TTC38: variants seen among roughly 807,000 people sequenced by gnomAD.
TTC38 encodes the protein tetratricopeptide repeat protein 38.
In TTC38, 64 loss-of-function variants were observed where a neutral mutation model predicts 64.2. That is an observed-to-expected ratio of 1.00 (90% CI 0.81 to 1.23). TTC38 has a LOEUF of 1.23. Ranked by LOEUF, TTC38 falls within the 50% of genes most tolerant of loss-of-function variation. TTC38 has a pLI of 0.00. For missense variants in TTC38, 573 were observed against 615.5 expected, an observed-to-expected ratio of 0.93 and a Z score of 0.73; for synonymous variants, 254 against 249.3, an observed-to-expected ratio of 1.02 and a Z score of -0.18.
intron 2 of TTC38, chr22:46,269,095 C>A (rs943836594): frequency 1.0e-4 from 44 of 422,242 alleles, no homozygotes; most frequent in Admixed American, 2.1e-4. Flanking sequence ...TCTGCCCCCC[C>A]CCCACAGCGT....
In TTC38 at chr22:46,271,680, T is replaced by TTTGTATTATTTG. The variant is rs144316853; in HGVS notation, c.112-653_112-642dup. On this transcript the variant is annotated intron_variant, in intron 2 of 13. Coordinates refer to ENST00000381031, the MANE Select transcript of TTC38 (RefSeq NM_017931.4). The surrounding 1 kb of genome is among the most constrained non-coding windows in gnomAD (Gnocchi z 5.5). The stretch of plus-strand genomic sequence containing the variant: ...CATGTGCCACCACGCCTGACTAATT[T>TTTGTATTATTTG]TTGTATTATTTGTAGAGACAGAGTT... Among the ~76,000 whole-genome samples, 4,206 of 152,252 alleles carry TTTGTATTATTTG rather than the reference T, an allele frequency of 0.028. 182 individuals are homozygous for TTTGTATTATTTG. Among genetic ancestry groups the TTTGTATTATTTG allele is most frequent in the African/African-American group, 0.096 (3,989 of 41,514 alleles).
Position 46,282,053 on chromosome 22 carries a change from C to T in TTC38, c.735+335C>T. The T allele has an allele frequency of 2.1e-6, 1 of 481,330 alleles. No individual in the cohort carries two copies. Among genetic ancestry groups the T allele is most frequent in the Non-Finnish European group, 4.2e-6 (1 of 238,586 alleles). 29.8% of individuals were successfully genotyped at this position (481,330 alleles called of 1,614,324 possible). A position where few individuals can be genotyped will look rare whatever the true frequency, so the allele number is the denominator to read the frequency against. ...GGACCCTCTGTGGGATGTGGAAACG[C>T]AGAGGAAGCATTAAACTCAACTGGG... On this transcript the variant is annotated intron_variant, in intron 7 of 13. Transcript: ENST00000381031. This position sits in a 1 kb window ranked among gnomAD's most constrained non-coding sequence, Gnocchi z 4.4.
rs1160636491 is a variant in TTC38, at chr22:46,273,645, T to C, written c.194-253T>C. Among the ~76,000 whole-genome samples the C allele has an allele frequency of 6.6e-6, 1 of 152,234 alleles. No homozygotes were observed. The highest frequency in any genetic ancestry group is 2.4e-5 in the African/African-American group (1 of 41,462). On this transcript the variant is annotated intron_variant, in intron 3 of 13. Transcript: ENST00000381031. The surrounding 1 kb of genome is among the most constrained non-coding windows in gnomAD (Gnocchi z 5.1). Reference sequence around the variant, plus strand: ...CATCCATTGAAGGGGGAAGGTGCTTTAGACACTGGCACTCAGCAGAATGCC... The same window carrying C: ...CATCCATTGAAGGGGGAAGGTGCTTCAGACACTGGCACTCAGCAGAATGCC...
In TTC38 at chr22:46,291,576, C is replaced by G. The variant is rs1281336066; in HGVS notation, c.1317-1215C>G. Among the ~76,000 whole-genome samples, 1 of 152,188 alleles carries G rather than the reference C, an allele frequency of 6.6e-6. No individual in the cohort carries two copies. Among genetic ancestry groups the G allele is most frequent in the Non-Finnish European group, 1.5e-5 (1 of 68,036 alleles). ...CCCACAATGAGTTCCCGGCCCCAGC[C>G]CCTTCACACCACCCACGCCCTCTAG... On this transcript the variant is annotated intron_variant, in intron 13 of 13. Coordinates refer to ENST00000381031, the MANE Select transcript of TTC38 (RefSeq NM_017931.4). This position sits in a 1 kb window ranked among gnomAD's most constrained non-coding sequence, Gnocchi z 4.6.
chr22:46,280,257 C>T (rs925338928), intron 6 of TTC38: 1 of 464,468 alleles, frequency 2.2e-6, no homozygotes, highest in Non-Finnish European at 4.5e-6. Context: ...AGCTTGGGGA[C>T]CTGGAGCTCC....
At chr22:46,289,047 A>G (rs1302112290) in intron 11 of TTC38, among the ~76,000 whole-genome samples, 1 of 152,194 alleles carries the variant, frequency 6.6e-6, no homozygotes, top group Non-Finnish European at 1.5e-5. Context: ...TGCCCTGCCC[A>G]TTCCCTTCCG....
chr22:46,287,092 C>T lies in TTC38; in HGVS notation c.854C>T (p.Ala285Val). 2 of 1,603,438 alleles carry T rather than the reference C, an allele frequency of 1.2e-6. No homozygotes were observed. The highest frequency in any genetic ancestry group is 1.1e-5 in the South Asian group (1 of 90,460). ...YDTHILPSLQANDAMLDVVDS... is the reference protein window; with the variant it reads ...YDTHILPSLQVNDAMLDVVDS... ...TTCCAGATCCTTCCCAGCCTGCAGG[C>T]CAACGATGCAATGCTGGACGTGGTG... The change falls in exon 10 of 14, where the codon GCC becomes GTC. Residue 285 changes from alanine (A) to valine (V), a missense_variant. Physicochemically the swap from Ala to Val is moderately conservative, Grantham distance 64. Around this residue, in one of 3 missense-constraint regions of TTC38, gnomAD observed 371 missense variants for 381.8 expected, o/e 0.97. Coordinates refer to ENST00000381031, the MANE Select transcript of TTC38 (RefSeq NM_017931.4).
In TTC38 at chr22:46,292,756, G is replaced by A; in HGVS notation, c.1317-35G>A. 1 of 1,589,086 alleles carries A rather than the reference G, an allele frequency of 6.3e-7. No individual in the cohort carries two copies. On this transcript the variant is annotated intron_variant, in intron 13 of 13. Coordinates refer to ENST00000381031, the MANE Select transcript of TTC38 (RefSeq NM_017931.4). The surrounding 1 kb of genome is among the most constrained non-coding windows in gnomAD (Gnocchi z 6.5). ...ACCAGGCCCCACATCCCTCTAGAAG[G>A]TTCTGTAACAGGACCTCTGTGTCTG... is the stretch of plus-strand genomic sequence containing the variant.
In TTC38 at chr22:46,268,167, G is replaced by A. The variant is rs1601860983; in HGVS notation, c.33+95G>A. 2.2e-6 allele frequency: 3 copies of A among 1,391,866 alleles called. No homozygotes were observed. The East Asian group carries it at 7.9e-5, about 37-fold the overall frequency. 86.2% of individuals were successfully genotyped at this position (1,391,866 alleles called of 1,614,324 possible). On this transcript the variant is annotated intron_variant, in intron 1 of 13. Coordinates refer to ENST00000381031, the MANE Select transcript of TTC38 (RefSeq NM_017931.4). Reference sequence around the variant, plus strand: ...GAATAACGGGAGACATGGCCCGGGCGCGGGGCGTGGGGTGAGCCCTGGGCG... The same window carrying A: ...GAATAACGGGAGACATGGCCCGGGCACGGGGCGTGGGGTGAGCCCTGGGCG...
At chr22:46,277,678 C>A (rs1490533725) in intron 5 of TTC38, among the ~76,000 whole-genome samples, 2 of 151,694 alleles carry the variant, frequency 1.3e-5, no homozygotes, top group African/African-American at 4.8e-5. Flanking sequence ...TCTAGCCCAT[C>A]CTGGGCTGGG....
At chr22:46,285,186 C>G (rs1305750445) in intron 8 of TTC38, 55 bp from the exon 9 acceptor site, 60 of 1,545,194 alleles carry the variant, frequency 3.9e-5, no homozygotes, top group Non-Finnish European at 6.3e-6. Flanking sequence ...GTTCACGTGC[C>G]AGCATTACAC....
In TTC38 at chr22:46,273,214, G is replaced by A. The variant is rs554241980; in HGVS notation, c.194-684G>A. On this transcript the variant is annotated intron_variant, in intron 3 of 13. Coordinates refer to ENST00000381031, the MANE Select transcript of TTC38 (RefSeq NM_017931.4). The surrounding 1 kb of genome is among the most constrained non-coding windows in gnomAD (Gnocchi z 5.1). ...CCTTGAGCCCTGATCAGGGGGCTTCGACCACCTGAATCATCAGCTGGGCTG... is the reference window on the plus strand; with the variant it reads ...CCTTGAGCCCTGATCAGGGGGCTTCAACCACCTGAATCATCAGCTGGGCTG... Among the ~76,000 whole-genome samples the A allele has an allele frequency of 5.8e-4, 88 of 152,288 alleles. No homozygotes were observed. The highest frequency in any genetic ancestry group is 2.0e-3 in the African/African-American group (84 of 41,564).
rs993798125 is a variant in TTC38, at chr22:46,275,596, T to A, written c.539+175T>A. On this transcript the variant is annotated intron_variant, in intron 5 of 13. Transcript: ENST00000381031. The surrounding 1 kb of genome is among the most constrained non-coding windows in gnomAD (Gnocchi z 4.5). ...CTTCACTTGATTTTCATCCCACCTG[T>A]GAATGAGGTAGTACCATTATGTATC... is the stretch of plus-strand genomic sequence containing the variant. 3.0e-4 allele frequency among the ~76,000 whole-genome samples: 45 copies of A among 152,230 alleles called. No individual in the cohort carries two copies. Among genetic ancestry groups the A allele is most frequent in the African/African-American group, 1.1e-3 (45 of 41,458 alleles).
At position 46,273,823 on chromosome 22, in the gene TTC38, G is replaced by A. The variant is rs1251110080; in HGVS notation, c.194-75G>A. On this transcript the variant is annotated intron_variant, in intron 3 of 13. Transcript: ENST00000381031. The surrounding 1 kb of genome is among the most constrained non-coding windows in gnomAD (Gnocchi z 5.1). ...CTCCTGGGACGTGGGGTGTCTCTGTGACATGTGGAGTCTGGGCTGGGATGG... is the reference window on the plus strand; with the variant it reads ...CTCCTGGGACGTGGGGTGTCTCTGTAACATGTGGAGTCTGGGCTGGGATGG... The A allele has an allele frequency of 1.4e-5, 21 of 1,510,090 alleles. No homozygotes were observed. The South Asian group carries it at 2.1e-4, about 15-fold the overall frequency. The allele number at this position is 1,510,090 out of a possible 1,614,324, so 93.5% of individuals were successfully genotyped here.
In TTC38 at chr22:46,288,523, A is replaced by G; in HGVS notation, c.1017A>G (p.Ala339=). ...LLFNDAHFLM[A]SLGAHDPQTT... Reference sequence around the variant, plus strand: ...TCAATGACGCACACTTCCTGATGGCATCCCTGGGTGCACACGACCCCCAGA... The same window carrying G: ...TCAATGACGCACACTTCCTGATGGCGTCCCTGGGTGCACACGACCCCCAGA... The change falls in exon 11 of 14, where the codon GCA becomes GCG. Residue 339 remains alanine (A), a synonymous_variant. Transcript: ENST00000381031. 1 of 1,613,842 alleles carries G rather than the reference A, an allele frequency of 6.2e-7. No individual in the cohort carries two copies.
Position 46,275,453 on chromosome 22 carries a change from G to T in TTC38, c.539+32G>T. The T allele has an allele frequency of 6.3e-7, 1 of 1,590,782 alleles. No individual in the cohort carries two copies. Among genetic ancestry groups the T allele is most frequent in the Non-Finnish European group, 8.6e-7 (1 of 1,167,360 alleles). ...GCCAGCTGGAAATCACATTATTTCT[G>T]TTTCTTAATCTCTCTTTTCTGCCCT... On this transcript the variant is annotated intron_variant, in intron 5 of 13. Coordinates refer to ENST00000381031, the MANE Select transcript of TTC38 (RefSeq NM_017931.4). The surrounding 1 kb of genome is among the most constrained non-coding windows in gnomAD (Gnocchi z 4.5).
chr22:46,276,857 A>AT lies in TTC38; in HGVS notation c.539+1436_539+1437insT, dbSNP rs1403704363. Among the ~76,000 whole-genome samples the AT allele has an allele frequency of 1.4e-5, 2 of 146,082 alleles. No homozygotes were observed. The highest frequency in any genetic ancestry group is 5.0e-5 in the African/African-American group (2 of 39,816). ...TATATATATAAACATATATATATAT[A>AT]AAAAATACTTTCACCGCAACACCTA... On this transcript the variant is annotated intron_variant, in intron 5 of 13. Coordinates refer to ENST00000381031, the MANE Select transcript of TTC38 (RefSeq NM_017931.4). This position sits in a 1 kb window ranked among gnomAD's most constrained non-coding sequence, Gnocchi z 4.7.
At chr22:46,268,636 G>A (rs1936818427) in intron 2 of TTC38, 45 bp downstream of exon 2, 1 of 1,578,416 alleles carries the variant, frequency 6.3e-7, no homozygotes, top group Non-Finnish European at 8.7e-7. Flanking sequence ...TGGAGGTCTA[G>A]GGGAAGGTTT....
rs922864905 is a variant in TTC38, at chr22:46,292,492, A to C, written c.1317-299A>C. Among the ~76,000 whole-genome samples, 5 of 152,254 alleles carry C rather than the reference A, an allele frequency of 3.3e-5. No individual in the cohort carries two copies. Among genetic ancestry groups the C allele is most frequent in the African/African-American group, 9.6e-5 (4 of 41,476 alleles). On this transcript the variant is annotated intron_variant, in intron 13 of 13. Transcript: ENST00000381031. The surrounding 1 kb of genome is among the most constrained non-coding windows in gnomAD (Gnocchi z 6.5). ...TAGCCTGGACACAGACATTCAGTCC[A>C]CAGCAGGGTCTTTACCTCAAACCGT...
Sources: allele counts gnomAD v4.1 joint callset (sites outside exome capture counted in the v4.1 genomes callset), GRCh38; gene constraint gnomAD v4.1.1; regional missense constraint gnomAD v4.1.1; non-coding constraint Gnocchi (gnomAD v3.1); transcripts MANE v1.5; gene names NCBI Gene and HGNC (gene_info 2026-07-23, HGNC 2026-07-21).